The following G3BP1 variants were observed in gnomAD, a reference collection of about 807,000 sequenced individuals.
G3BP1 encodes G3BP stress granule assembly factor 1.
In G3BP1, 35 loss-of-function variants were observed where a neutral mutation model predicts 58.6. That is an observed-to-expected ratio of 0.60 (90% confidence interval 0.46 to 0.79). G3BP1 has a LOEUF of 0.79. G3BP1 is among the 30% of genes least tolerant of loss of function. The pLI is 0.00. For missense variants in G3BP1, 523 were observed against 580.8 expected (o/e 0.90, Z 1.02); for synonymous variants, 191 against 195.4 (o/e 0.98, Z 0.19).
chr5:151,798,718 C>T (rs1327956064), intron 7 of G3BP1, among the ~76,000 whole-genome samples: 1 of 152,062 alleles, frequency 6.6e-6, no homozygotes, highest in East Asian at 1.9e-4. Flanking sequence ...AATCCCAGCA[C>T]TTTGGGAGGC....
intron 2 of G3BP1, among the ~76,000 whole-genome samples, 191 bp from the exon 3 acceptor site, chr5:151,790,132 G>A (rs193054522): frequency 5.3e-4 from 75 of 142,150 alleles, no homozygotes; most frequent in African/African-American, 1.9e-3. Context: ...AAAAAAAAAT[G>A]TGCACATCAA....
chr5:151,789,446 G>A (rs1014446540), intron 2 of G3BP1, among the ~76,000 whole-genome samples: 2 of 152,204 alleles, frequency 1.3e-5, no homozygotes, highest in African/African-American at 2.4e-5. Flanking sequence ...GCATTTTGGT[G>A]TGTTGCTTTC....
At position 151,812,587 on chromosome 5, in the gene G3BP1, C is replaced by T. The variant is rs1318823299; in HGVS notation, c.*8496C>T. On this transcript the variant is annotated 3_prime_UTR_variant, in exon 12 of 12. Transcript: ENST00000356245. ...TAATGCAGAAGTCATTTGCTTTGGC[C>T]AGGTTGGGTGGGACTCTGAGATTGC... The T allele has an allele frequency of 6.6e-6, 1 of 152,150 alleles. No homozygotes were observed. The highest frequency in any genetic ancestry group is 1.5e-5 in the Non-Finnish European group (1 of 68,006). 9.4% of individuals were successfully genotyped at this position (152,150 alleles called of 1,614,324 possible).
chr5:151,795,641 G>T, intron 6 of G3BP1, 66 bp downstream of exon 6: 2 of 731,688 alleles, frequency 2.7e-6, no homozygotes, highest in Admixed American at 4.9e-5. Flanking sequence ...CTTTCCCTTT[G>T]TTGGAGGGCA....
At chr5:151,787,828 GAATATTT>G in intron 2 of G3BP1, 1 of 231,396 alleles carries the variant, frequency 4.3e-6, no homozygotes. Context: ...TATTCAATAT[GAATATTT>G]TCAATTCATA....
chr5:151,788,761 G>A (rs1179222674), intron 2 of G3BP1, among the ~76,000 whole-genome samples: 4 of 151,446 alleles, frequency 2.6e-5, no homozygotes, highest in South Asian at 2.1e-4. Flanking sequence ...CTATGGGTGC[G>A]CACCACCACC....
chr5:151,811,570 C>G lies in G3BP1; in HGVS notation c.*7479C>G, dbSNP rs1289573378. 2 of 151,796 alleles carry G rather than the reference C, an allele frequency of 1.3e-5. No individual in the cohort carries two copies. Among genetic ancestry groups the G allele is most frequent in the African/African-American group, 4.8e-5 (2 of 41,298 alleles). The allele number at this position is 151,796 out of a possible 1,614,324, so 9.4% of individuals were successfully genotyped here. A position where few individuals can be genotyped will look rare whatever the true frequency, so the allele number is the denominator to read the frequency against. On this transcript the variant is annotated 3_prime_UTR_variant, in exon 12 of 12. Transcript: ENST00000356245. ...GTATATGGATGGTTCAATAAATATACTTTTATATACATGTTTCACAGAAAT... is the reference window on the plus strand; with the variant it reads ...GTATATGGATGGTTCAATAAATATAGTTTTATATACATGTTTCACAGAAAT...
At position 151,811,195 on chromosome 5, in the gene G3BP1, A is replaced by G. The variant is rs1451591919; in HGVS notation, c.*7104A>G. 1 of 152,126 alleles carries G rather than the reference A, an allele frequency of 6.6e-6. No homozygotes were observed. The highest frequency in any genetic ancestry group is 1.9e-4 in the East Asian group (1 of 5,194). The allele number at this position is 152,126 out of a possible 1,614,324, so 9.4% of individuals were successfully genotyped here. A position where few individuals can be genotyped will look rare whatever the true frequency, so the allele number is the denominator to read the frequency against. ...CTTACTCCAGCCTACTTTATACACAATGTTAGATTCATCTTACTGAAACAT... is the reference window on the plus strand; with the variant it reads ...CTTACTCCAGCCTACTTTATACACAGTGTTAGATTCATCTTACTGAAACAT... On this transcript the variant is annotated 3_prime_UTR_variant, in exon 12 of 12. Transcript: ENST00000356245.
chr5:151,807,062 G>A lies in G3BP1; in HGVS notation c.*2971G>A, dbSNP rs1048418532. ...GTGGTGAGGTTGGGTTTTACTTTGTGTATTCCAGCGTTCTCAACTTTGTCA... is the reference window on the plus strand; with the variant it reads ...GTGGTGAGGTTGGGTTTTACTTTGTATATTCCAGCGTTCTCAACTTTGTCA... On this transcript the variant is annotated 3_prime_UTR_variant, in exon 12 of 12. Coordinates refer to ENST00000356245, the MANE Select transcript of G3BP1 (RefSeq NM_005754.3). The A allele has an allele frequency of 2.0e-5, 3 of 152,204 alleles. No homozygotes were observed. The highest frequency in any genetic ancestry group is 6.5e-5 in the Admixed American group (1 of 15,278). 9.4% of individuals were successfully genotyped at this position (152,204 alleles called of 1,614,324 possible). A position where few individuals can be genotyped will look rare whatever the true frequency, so the allele number is the denominator to read the frequency against.
chr5:151,803,432 G>A (rs1216606082), intron 11 of G3BP1, among the ~76,000 whole-genome samples: 1 of 151,990 alleles, frequency 6.6e-6, no homozygotes, highest in Non-Finnish European at 1.5e-5. Context: ...GTGAAACTCT[G>A]TCTCATTAAA....
rs372448248 is a variant in G3BP1, at chr5:151,778,006, C to T, written c.-50+5970C>T. Among the ~76,000 whole-genome samples, 109 of 152,104 alleles carry T rather than the reference C, an allele frequency of 7.2e-4. 1 individual carries two copies. The highest frequency in any genetic ancestry group is 2.4e-3 in the African/African-American group (101 of 41,428). Reference sequence around the variant, plus strand: ...TTACCTGTTGGTGGGCATTGAAAAACGGCAGAAGCTGTGTGTTTCCAGCTT... The same window carrying T: ...TTACCTGTTGGTGGGCATTGAAAAATGGCAGAAGCTGTGTGTTTCCAGCTT... On this transcript the variant is annotated intron_variant, in intron 1 of 11. Transcript: ENST00000356245.
chr5:151,799,000 G>A (rs1224433510), intron 7 of G3BP1, among the ~76,000 whole-genome samples: 1 of 151,930 alleles, frequency 6.6e-6, no homozygotes, highest in African/African-American at 2.4e-5. Context: ...TAAGCCTCTC[G>A]GATTTGCTTG....
At chr5:151,784,026 G>A (rs1247664530) in intron 1 of G3BP1, among the ~76,000 whole-genome samples, 1 of 152,154 alleles carries the variant, frequency 6.6e-6, no homozygotes, top group African/African-American at 2.4e-5. Flanking sequence ...CTCCGAAAGT[G>A]CTGGAATTAA....
rs1762975834 is a variant in G3BP1 at position 151,808,984 on chromosome 5, T to G, written c.*4893T>G. 1 of 152,346 alleles carries G rather than the reference T, an allele frequency of 6.6e-6. No individual in the cohort carries two copies. The highest frequency in any genetic ancestry group is 2.4e-5 in the African/African-American group (1 of 41,426). 9.4% of individuals were successfully genotyped at this position (152,346 alleles called of 1,614,324 possible). A position where few individuals can be genotyped will look rare whatever the true frequency, so the allele number is the denominator to read the frequency against. ...TCGAGGCCAGGAATTTGAGACCAGC[T>G]TGGGCAACATAGCAAGACCCTGTCT... is the stretch of plus-strand genomic sequence containing the variant. On this transcript the variant is annotated 3_prime_UTR_variant, in exon 12 of 12. Transcript: ENST00000356245.
rs1762958853 is a variant in G3BP1, at chr5:151,807,721, G to A, written c.*3630G>A. ...GATACTTTTCTTCATCCCTCTATTT[G>A]AAAAACCCTTGTAGAATTTAACGAT... On this transcript the variant is annotated 3_prime_UTR_variant, in exon 12 of 12. Transcript: ENST00000356245. 6.6e-6 allele frequency: 1 copy of A among 152,030 alleles called. No individual in the cohort carries two copies. The highest frequency in any genetic ancestry group is 1.5e-5 in the Non-Finnish European group (1 of 67,976). The allele number at this position is 152,030 out of a possible 1,614,324, so 9.4% of individuals were successfully genotyped here. A position where few individuals can be genotyped will look rare whatever the true frequency, so the allele number is the denominator to read the frequency against.
In G3BP1 at chr5:151,803,901, G is replaced by A. The variant is rs779200639; in HGVS notation, c.1211G>A (p.Gly404Asp). The A allele has an allele frequency of 1.9e-6, 3 of 1,612,954 alleles. No homozygotes were observed. In the Admixed American group the frequency reaches 5.0e-5, roughly 27 times the overall value. The change falls in exon 12 of 12, where the codon GGT becomes GAT. Residue 404 changes from glycine to aspartate, a missense_variant. By Grantham distance (94) the Gly-to-Asp change is moderately conservative. This residue lies in a region of G3BP1 where 125 missense variants were observed against 181.7 expected (regional missense o/e 0.69). Transcript: ENST00000356245. ...VLSNRPIMFR[G>D]EVRLNVEEKK... is the part of the protein sequence containing the mutation. ...TTCTTACAGCCCATCATGTTCAGAG[G>A]TGAGGTCCGTCTGAATGTCGAAGAG...
Position 151,810,235 on chromosome 5 carries a change from G to C in G3BP1, c.*6144G>C, listed in dbSNP as rs920699615. ...ACTGAGGGTCCTCCCGATAAGCCAG[G>C]CATTGTGATTCCTTGGCTTCAAGTG... is the stretch of plus-strand genomic sequence containing the variant. On this transcript the variant is annotated 3_prime_UTR_variant, in exon 12 of 12. Coordinates refer to ENST00000356245, the MANE Select transcript of G3BP1 (RefSeq NM_005754.3). The C allele has an allele frequency of 2.0e-5, 3 of 152,208 alleles. No homozygotes were observed. The highest frequency in any genetic ancestry group is 1.5e-5 in the Non-Finnish European group (1 of 68,052). The allele number at this position is 152,208 out of a possible 1,614,324, so 9.4% of individuals were successfully genotyped here. A position where few individuals can be genotyped will look rare whatever the true frequency, so the allele number is the denominator to read the frequency against.
chr5:151,797,019 T>C lies in G3BP1; in HGVS notation c.540-208T>C, dbSNP rs143792554. On this transcript the variant is annotated intron_variant, in intron 6 of 11. Coordinates refer to ENST00000356245, the MANE Select transcript of G3BP1 (RefSeq NM_005754.3). ...TCCTGATTCATTTGCTTATCAGAAT[T>C]TGCCAAACAAATGGATTCCAGTTAA... is the stretch of plus-strand genomic sequence containing the variant. Among the ~76,000 whole-genome samples the C allele has an allele frequency of 1.2e-4, 19 of 152,302 alleles. No homozygotes were observed. The East Asian group carries it at 3.7e-3, about 29-fold the overall frequency.
chr5:151,777,118 T>C (rs1223097577), intron 1 of G3BP1, among the ~76,000 whole-genome samples: 4 of 152,124 alleles, frequency 2.6e-5, no homozygotes, highest in Non-Finnish European at 4.4e-5. Flanking sequence ...AAAAATAGAT[T>C]GACAGTAGGC....
Sources: allele counts gnomAD v4.1 joint callset (sites outside exome capture counted in the v4.1 genomes callset), GRCh38; gene constraint gnomAD v4.1.1; regional missense constraint gnomAD v4.1.1; transcripts MANE v1.5; gene names NCBI Gene and HGNC (gene_info 2026-07-23, HGNC 2026-07-21).